Variants in PEG3 observed in about 807,000 individuals in gnomAD.
PEG3 encodes paternally-expressed gene 3 protein.
PEG3 carries 23 observed loss-of-function variants against 35.5 expected under a neutral mutation model. The ratio of observed to expected loss-of-function variants is 0.65; its 90% CI spans 0.47 to 0.92. The LOEUF (loss-of-function observed/expected upper bound fraction) is 0.92, where lower values mean the gene tolerates loss of function less well. Ranked by LOEUF, PEG3 falls within the 40% of genes least tolerant of loss-of-function variation. The pLI is 0.00. For synonymous variants in PEG3, 707 were observed against 697.0 expected (o/e 1.01, Z -0.23); for missense variants, 1,960 against 1,985.3 (o/e 0.99, Z 0.24).
In PEG3 at chr19:56,817,099, C is replaced by T; in HGVS notation, c.1343G>A (p.Gly448Glu). ...SFTESQPIDFGAMPYVCDECG... is the reference protein window; with the variant it reads ...SFTESQPIDFEAMPYVCDECG... ...CTCATCACATACATATGGCATTGCC[C>T]CAAAATCAATTGGCTGTGACTCGGT... is the stretch of plus-strand genomic sequence containing the variant. Residue 448 changes from glycine to glutamate, a missense_variant, in exon 10 of 10, where the codon GGG (glycine) becomes GAG (glutamate). By Grantham distance (98) the Gly-to-Glu change is moderately conservative. Around this residue, in one of 5 missense-constraint regions of PEG3, gnomAD observed 613 missense variants for 577.1 expected, o/e 1.06. Transcript: ENST00000326441. The T allele has an allele frequency of 1.2e-6, 2 of 1,614,064 alleles. No homozygotes were observed. Among genetic ancestry groups the T allele is most frequent in the South Asian group, 1.1e-5 (1 of 91,070 alleles).
chr19:56,839,230 C>T (rs1461681511), intron 1 of PEG3, among the ~76,000 whole-genome samples: 1 of 149,834 alleles, frequency 6.7e-6, no homozygotes, highest in African/African-American at 2.5e-5. Flanking sequence ...CCAACCAGGA[C>T]AGCACCTGCG....
At chr19:56,831,884 T>C (rs2061601282) in intron 2 of PEG3, among the ~76,000 whole-genome samples, 1 of 152,210 alleles carries the variant, frequency 6.6e-6, no homozygotes, top group Non-Finnish European at 1.5e-5. Context: ...ACACAGAGAA[T>C]GAGAATGTCC....
In PEG3 at chr19:56,811,160, C is replaced by T. The variant is rs2059516142; in HGVS notation, c.*2515G>A. 7.1e-6 allele frequency: 7 copies of T among 980,032 alleles called. No homozygotes were observed. Among genetic ancestry groups the T allele is most frequent in the Non-Finnish European group, 7.3e-6 (6 of 825,154 alleles). 60.7% of individuals were successfully genotyped at this position (980,032 alleles called of 1,614,324 possible). On this transcript the variant is annotated 3_prime_UTR_variant, in exon 10 of 10. Coordinates refer to ENST00000326441, the MANE Select transcript of PEG3 (RefSeq NM_006210.3). Reference sequence around the variant, plus strand: ...TGTGATAATGAGTTCAAATTATGTTCACAATGAAAATGTGATCATAAACTT... The same window carrying T: ...TGTGATAATGAGTTCAAATTATGTTTACAATGAAAATGTGATCATAAACTT...
Position 56,815,816 on chromosome 19 carries a change from G to A in PEG3, c.2626C>T (p.Pro876Ser), listed in dbSNP as rs768742198. 3.1e-6 allele frequency: 5 copies of A among 1,613,276 alleles called. No homozygotes were observed. Among genetic ancestry groups the A allele is most frequent in the Admixed American group, 1.7e-5 (1 of 59,978 alleles). Residue 876 changes from proline (P) to serine (S), a missense_variant, in exon 10 of 10, where the codon CCT becomes TCT. This residue lies in a region of PEG3 where 798 missense variants were observed against 782.4 expected (regional missense o/e 1.02). Transcript: ENST00000326441. ...SDLNDKRQKI[P>S]ARENPCEGGS... ...CCTTCACAAGGGTTCTCTCTGGCAGGAATCTTCTGTCGCTTATCATTAAGG... is the reference window on the plus strand; with the variant it reads ...CCTTCACAAGGGTTCTCTCTGGCAGAAATCTTCTGTCGCTTATCATTAAGG...
At position 56,814,453 on chromosome 19, in the gene PEG3, G is replaced by A. The variant is rs1221224804; in HGVS notation, c.3989C>T (p.Pro1330Leu). Reference sequence around the variant, plus strand: ...ACCACAATCCTTGCATTCATAGAATGGTATAGCTCCTTTGAGGGGCTCAGT... The same window carrying A: ...ACCACAATCCTTGCATTCATAGAATAGTATAGCTCCTTTGAGGGGCTCAGT... ...FLTEPLKGAIPFYECKDCGKS... is the reference protein window; with the variant it reads ...FLTEPLKGAILFYECKDCGKS... Residue 1330 changes from proline (P) to leucine (L), a missense_variant, in exon 10 of 10, where the codon CCA (proline) becomes CTA (leucine). Around this residue, in one of 5 missense-constraint regions of PEG3, gnomAD observed 416 missense variants for 416.7 expected, o/e 1.00. Transcript: ENST00000326441. This position sits in a 1 kb window ranked among gnomAD's most constrained non-coding sequence, Gnocchi z 5.8. The A allele has an allele frequency of 6.2e-7, 1 of 1,613,564 alleles. No individual in the cohort carries two copies. Among genetic ancestry groups the A allele is most frequent in the Non-Finnish European group, 8.5e-7 (1 of 1,179,602 alleles).
intron 2 of PEG3, among the ~76,000 whole-genome samples, chr19:56,830,884 G>T (rs1222802399): frequency 6.6e-6 from 1 of 152,018 alleles, no homozygotes; most frequent in African/African-American, 2.4e-5. Context: ...CTAAGATCAT[G>T]CCCCTGCATT....
Position 56,824,460 on chromosome 19 carries a change from T to C in PEG3, c.196A>G (p.Lys66Glu), listed in dbSNP as rs1368056074. 1 of 1,614,100 alleles carries C rather than the reference T, an allele frequency of 6.2e-7. No individual in the cohort carries two copies. Among genetic ancestry groups the C allele is most frequent in the African/African-American group, 1.3e-5 (1 of 75,044 alleles). Reference sequence around the variant, plus strand: ...CAATCGAGGCAGAGGTTTCGGAGTTTGATCAGGGTCTTCCGAGGCCCAACA... The same window carrying C: ...CAATCGAGGCAGAGGTTTCGGAGTTCGATCAGGGTCTTCCGAGGCCCAACA... Reference protein sequence around the residue: ...EFVGPRKTLIKLRNLCLDWLQ... With the variant: ...EFVGPRKTLIELRNLCLDWLQ... The change falls in exon 4 of 10, where the codon AAA becomes GAA. Residue 66 changes from lysine (K) to glutamate (E), a missense_variant. Physicochemically the swap from Lys to Glu is moderately conservative, Grantham distance 56. Transcript: ENST00000326441.
intron 5 of PEG3, 93 bp from the exon 6 acceptor site, chr19:56,822,929 T>C: frequency 6.7e-7 from 1 of 1,487,358 alleles, no homozygotes; most frequent in Non-Finnish European, 9.1e-7. Flanking sequence ...AAAGAGATGC[T>C]ACCCTCTTCC....
chr19:56,812,931 T>C lies in PEG3; in HGVS notation c.*744A>G, dbSNP rs1050387625. The C allele has an allele frequency of 2.1e-5, 21 of 985,600 alleles. No homozygotes were observed. Among genetic ancestry groups the C allele is most frequent in the Non-Finnish European group, 2.5e-5 (21 of 829,908 alleles). 61.1% of individuals were successfully genotyped at this position (985,600 alleles called of 1,614,324 possible). A position where few individuals can be genotyped will look rare whatever the true frequency, so the allele number is the denominator to read the frequency against. On this transcript the variant is annotated 3_prime_UTR_variant, in exon 10 of 10. Coordinates refer to ENST00000326441, the MANE Select transcript of PEG3 (RefSeq NM_006210.3). Reference sequence around the variant, plus strand: ...CTGGGTCACAAAAAGCCAATCCGTATATTGTAAAGCCTTACACAGTATTAG... The same window carrying C: ...CTGGGTCACAAAAAGCCAATCCGTACATTGTAAAGCCTTACACAGTATTAG...
rs746835383 is a variant in PEG3 at position 56,818,600 on chromosome 19, C to T, written c.772G>A (p.Val258Met). ...MENYRKLLSL[V>M]QLAEDDGHSH... ...GTGACTGAGAGAAGCAGCTGCTTAC[C>T]GAGGGAGAGCAGCTTCCTGTAGTTT... The change falls in exon 8 of 10, where the codon GTG becomes ATG. Residue 258 changes from valine (V) to methionine (M), a missense_variant and splice_region_variant. Val to Met is a conservative substitution (Grantham distance 21, BLOSUM62 1). Coordinates refer to ENST00000326441, the MANE Select transcript of PEG3 (RefSeq NM_006210.3). 8 of 1,613,940 alleles carry T rather than the reference C, an allele frequency of 5.0e-6. No homozygotes were observed. The highest frequency in any genetic ancestry group is 2.7e-5 in the African/African-American group (2 of 74,914).
In PEG3 at chr19:56,815,710, T is replaced by A. The variant is rs182974463; in HGVS notation, c.2732A>T (p.Glu911Val). 3 of 1,614,168 alleles carry A rather than the reference T, an allele frequency of 1.9e-6. No individual in the cohort carries two copies. The East Asian group carries it at 6.7e-5, about 36-fold the overall frequency. The change falls in exon 10 of 10, where the codon GAG (glutamate) becomes GTG (valine). Residue 911 changes from glutamate (E) to valine (V), a missense_variant. By Grantham distance (121) the Glu-to-Val change is moderately radical. Around this residue, in one of 5 missense-constraint regions of PEG3, gnomAD observed 798 missense variants for 782.4 expected, o/e 1.02. Coordinates refer to ENST00000326441, the MANE Select transcript of PEG3 (RefSeq NM_006210.3). ...ATCCTTCTTAAACTCACCAGATCCC[T>A]CTCCAGGAACACTTTTCTGAGGTTT... The part of the protein sequence containing the change: ...RAKPQKSVPG[E>V]GSGEFKKDGE...
chr19:56,824,883 C>A (rs1192612452), intron 3 of PEG3, 142 bp from the exon 4 acceptor site: 3 of 517,252 alleles, frequency 5.8e-6, no homozygotes, highest in Non-Finnish European at 1.0e-5. Context: ...CAAAGTTGGC[C>A]TCAGCACAGC....
At chr19:56,835,237 G>T (rs181223387) in intron 2 of PEG3, among the ~76,000 whole-genome samples, 155 of 152,252 alleles carry the variant, frequency 1.0e-3, no homozygotes, top group South Asian at 8.3e-4. Flanking sequence ...TGATTATCAT[G>T]ATACTCCCAT....
rs1477106471 is a variant in PEG3 at position 56,817,459 on chromosome 19, G to A, written c.983C>T (p.Ser328Leu). The A allele has an allele frequency of 5.0e-6, 8 of 1,613,410 alleles. No individual in the cohort carries two copies. Among genetic ancestry groups the A allele is most frequent in the Admixed American group, 1.7e-5 (1 of 59,998 alleles). ...GTCGCTTGACTCCCTTGCTCTTCCC[G>A]ATTTGGAACTGCGTGACACATCCTT... is the stretch of plus-strand genomic sequence containing the variant. ...FIKDVSRSSK[S>L]GRARESSDRS... is the part of the protein sequence containing the mutation. Residue 328 changes from serine (S) to leucine (L), a missense_variant, in exon 10 of 10, where the codon TCG (serine) becomes TTG (leucine). Transcript: ENST00000326441.
chr19:56,823,583 T>A lies in PEG3; in HGVS notation c.481+10A>T. On this transcript the variant is annotated intron_variant, in intron 5 of 9. Transcript: ENST00000326441. ...CCCATGGGTGACCAGTGGGGATGGGTACTCACCACTGAAAGAATGGACTGA... is the reference window on the plus strand; with the variant it reads ...CCCATGGGTGACCAGTGGGGATGGGAACTCACCACTGAAAGAATGGACTGA... The A allele has an allele frequency of 2.5e-6, 4 of 1,614,022 alleles. No individual in the cohort carries two copies. In the South Asian group the frequency reaches 4.4e-5, roughly 18 times the overall value.
At position 56,814,649 on chromosome 19, in the gene PEG3, G is replaced by T. The variant is rs909324686; in HGVS notation, c.3793C>A (p.Pro1265Thr). The T allele has an allele frequency of 8.1e-6, 13 of 1,614,034 alleles. No individual in the cohort carries two copies. The highest frequency in any genetic ancestry group is 1.1e-5 in the Non-Finnish European group (13 of 1,180,040). ...QSQMAEEAII[P>T]GLALTEFQRS... is the part of the protein sequence containing the mutation. ...TGAAACTCAGTGAGGGCTAAGCCTGGAATGATAGCTTCCTCAGCCATCTGG... is the reference window on the plus strand; with the variant it reads ...TGAAACTCAGTGAGGGCTAAGCCTGTAATGATAGCTTCCTCAGCCATCTGG... The change falls in exon 10 of 10, where the codon CCA becomes ACA. Residue 1265 changes from proline to threonine, a missense_variant. Around this residue, in one of 5 missense-constraint regions of PEG3, gnomAD observed 416 missense variants for 416.7 expected, o/e 1.00. Coordinates refer to ENST00000326441, the MANE Select transcript of PEG3 (RefSeq NM_006210.3). This position sits in a 1 kb window ranked among gnomAD's most constrained non-coding sequence, Gnocchi z 5.8.
intron 7 of PEG3, among the ~76,000 whole-genome samples, 155 bp from the exon 8 acceptor site, chr19:56,818,857 G>C (rs1003703171): frequency 1.3e-5 from 2 of 152,166 alleles, no homozygotes; most frequent in African/African-American, 4.8e-5. Flanking sequence ...GTGTTACTAG[G>C]GACCTACGTC....
Position 56,813,933 on chromosome 19 carries a change from T to A in PEG3, c.4509A>T (p.Pro1503=), listed in dbSNP as rs1035781751. ...GEDQEIQVEE[P]YYDCHECTET... ...CTGTGCATTCATGGCAGTCATAGTA[T>A]GGTTCTTCTACCTGAATCTCTTGAT... The change falls in exon 10 of 10, where the codon CCA becomes CCT. Residue 1503 remains proline (P), a synonymous_variant. Coordinates refer to ENST00000326441, the MANE Select transcript of PEG3 (RefSeq NM_006210.3). 8.1e-6 allele frequency: 13 copies of A among 1,614,092 alleles called. No individual in the cohort carries two copies. The East Asian group carries it at 2.9e-4, about 36-fold the overall frequency.
At position 56,815,346 on chromosome 19, in the gene PEG3, T is replaced by C. The variant is rs2059877941; in HGVS notation, c.3096A>G (p.Lys1032=). 6.2e-7 allele frequency: 1 copy of C among 1,614,116 alleles called. No individual in the cohort carries two copies. The highest frequency in any genetic ancestry group is 1.3e-5 in the African/African-American group (1 of 74,928). The part of the protein sequence containing the change: ...EQYAKEQARN[K]CKDFRQFFAT... ...CAAAAAATTGTCTGAAGTCCTTACA[T>C]TTGTTCCGCGCTTGCTCTTTAGCAT... Residue 1032 remains lysine, a synonymous_variant, in exon 10 of 10, where the codon AAA becomes AAG. Transcript: ENST00000326441.
Sources: gnomAD v4.1 joint callset for allele counts (sites outside exome capture counted in the v4.1 genomes callset) on GRCh38, gnomAD v4.1.1 for gene constraint, gnomAD v4.1.1 regional missense constraint, Gnocchi (gnomAD v3.1) non-coding constraint, MANE v1.5 for transcripts, NCBI Gene and HGNC (gene_info 2026-07-23, HGNC 2026-07-21) for gene names.